The following WAS variants were observed in gnomAD, a reference collection of about 807,000 sequenced individuals.
WAS encodes actin nucleation-promoting factor WAS.
WAS carries 1 observed loss-of-function variant against 38.9 expected under a neutral mutation model. That is an observed-to-expected ratio of 0.03 (90% CI 0.01 to 0.12). WAS has a LOEUF of 0.12. Among genes scored for constraint, WAS ranks in the 10% least tolerant of loss-of-function variants. WAS has a pLI of 1.00. For missense variants in WAS, 311 were observed against 431.2 expected (o/e 0.72, Z 2.47); for synonymous variants, 182 against 173.6 (o/e 1.05, Z -0.38).
intron 1 of WAS, among the ~76,000 whole-genome samples, chrX:48,677,071 T>TA (rs1269227618): frequency 9.0e-6 from 1 of 111,566 alleles, no homozygotes; most frequent in Admixed American, 9.4e-5. Flanking sequence ...GGGAGGAGAC[T>TA]TCTGGTTCCC....
upstream of WAS, among the ~76,000 whole-genome samples, chrX:48,680,807 G>T (rs2062399132): frequency 8.9e-6 from 1 of 112,028 alleles, no homozygotes; most frequent in South Asian, 3.7e-4. Context: ...CCAAGCTGCT[G>T]CTCTGCCTAT....
At chrX:48,682,902 A>G (rs2062405798), upstream of WAS, among the ~76,000 whole-genome samples, 1 of 108,621 alleles carries the variant, frequency 9.2e-6, no homozygotes, top group Non-Finnish European at 1.9e-5. Context: ...TCAAAAAAAA[A>G]AAGAAAAAAA....
In WAS at chrX:48,684,067, C is replaced by T. The variant is rs190513631; in HGVS notation, c.132+82C>T. 670 of 1,144,534 alleles carry T rather than the reference C, an allele frequency of 5.9e-4. 4 individuals are homozygous for T. The African/African-American group carries it at 9.7e-3, about 17-fold the overall frequency. 94.3% of individuals were successfully genotyped at this position (1,144,534 alleles called of 1,213,427 possible). A position where few individuals can be genotyped will look rare whatever the true frequency, so the allele number is the denominator to read the frequency against. ...CCTCCTTCTCTCTCTTCCCCTCCTCCCGCTCCTCCTTTCCCTCTCCATCAT... is the reference window on the plus strand; with the variant it reads ...CCTCCTTCTCTCTCTTCCCCTCCTCTCGCTCCTCCTTTCCCTCTCCATCAT... On this transcript the variant is annotated intron_variant, in intron 1 of 11. Coordinates refer to ENST00000376701, the MANE Select transcript of WAS (RefSeq NM_000377.3).
Position 48,688,847 on chromosome X carries a change from A to G in WAS, c.1119A>G (p.Pro373=). 1.1e-6 allele frequency: 1 copy of G among 884,295 alleles called. No individual in the cohort carries two copies. The highest frequency in any genetic ancestry group is 1.4e-6 in the Non-Finnish European group (1 of 703,816). 72.9% of individuals were successfully genotyped at this position (884,295 alleles called of 1,213,427 possible). ...GRGGPPPPPP[P]ATGRSGPLPP... ...GGGGCCCTCCACCACCACCCCCTCC[A>G]GCTACTGGACGTTCTGGACCACTGC... The change falls in exon 10 of 12, where the codon CCA becomes CCG. Residue 373 remains proline, a synonymous_variant. Transcript: ENST00000376701.
At position 48,684,407 on chromosome X, in the gene WAS, G is replaced by A. The variant is rs132630268; in HGVS notation, c.257G>A (p.Arg86His). 8.3e-7 allele frequency: 1 copy of A among 1,207,400 alleles called. No individual in the cohort carries two copies. The highest frequency in any genetic ancestry group is 1.1e-6 in the Non-Finnish European group (1 of 893,715). ...AACCCCCAGAAGTCCTACTTCATCC[G>A]CCTTTACGGCCTTCAGGTGACCCCC... ...KDNPQKSYFI[R>H]LYGLQAGRLL... The change falls in exon 2 of 12, where the codon CGC becomes CAC. Residue 86 changes from arginine to histidine, a missense_variant. Transcript: ENST00000376701.
chrX:48,689,716 C>CT (rs2062433717), intron 11 of WAS: 3 of 229,808 alleles, frequency 1.3e-5, no homozygotes, highest in African/African-American at 1.4e-4. Flanking sequence ...CATCAGCTGG[C>CT]CGGCGCGGTG....
chrX:48,677,842 G>A (rs1557005401), intron 1 of WAS, among the ~76,000 whole-genome samples: 1 of 112,449 alleles, frequency 8.9e-6, no homozygotes, highest in African/African-American at 3.2e-5. Flanking sequence ...GTGAACAGAG[G>A]AGAGGGAAGC....
chrX:48,691,074 C>T (rs1557007698), intron 11 of WAS, 33 bp from the exon 12 acceptor site: 6 of 1,202,193 alleles, frequency 5.0e-6, no homozygotes, highest in Non-Finnish European at 5.6e-6. Flanking sequence ...CCACCAACCT[C>T]CCAGGGCATC....
chrX:48,687,970 G>C (rs1400731809), intron 7 of WAS, 84 bp from the exon 8 acceptor site: 1 of 1,019,120 alleles, frequency 9.8e-7, no homozygotes, highest in African/African-American at 1.9e-5. Flanking sequence ...GTCTCTTTGG[G>C]CAGGAGAGGG....
Position 48,688,312 on chromosome X carries a change from G to C in WAS, c.790G>C (p.Asp264His). ...PQNGFDVNNL[D>H]PDLRSLFSRA... ...TCCTCCTGGGCAGGTGAACAACCTC[G>C]ACCCAGATCTGCGGAGTCTGTTCTC... Residue 264 changes from aspartate to histidine, a missense_variant, in exon 9 of 12, where the codon GAC becomes CAC. Transcript: ENST00000376701. 8.3e-7 allele frequency: 1 copy of C among 1,205,835 alleles called. No homozygotes were observed. Among genetic ancestry groups the C allele is most frequent in the Non-Finnish European group, 1.1e-6 (1 of 892,456 alleles).
Position 48,684,264 on chromosome X carries a change from C to T in WAS, c.133-19C>T, listed in dbSNP as rs782056506. 9.1e-6 allele frequency: 11 copies of T among 1,211,513 alleles called. No homozygotes were observed. Among genetic ancestry groups the T allele is most frequent in the Non-Finnish European group, 1.1e-5 (10 of 895,466 alleles). ...CTACCCCTGACCAGACTCCACTGACCCCTGCTTTCCTCTCCCAGACGCTGG... is the reference window on the plus strand; with the variant it reads ...CTACCCCTGACCAGACTCCACTGACTCCTGCTTTCCTCTCCCAGACGCTGG... On this transcript the variant is annotated intron_variant, in intron 1 of 11. Transcript: ENST00000376701.
At chrX:48,687,564 CA>C (rs201300703) in intron 7 of WAS, among the ~76,000 whole-genome samples, 1,207 of 110,405 alleles carry the variant, frequency 0.011, 15 homozygotes, top group African/African-American at 0.037. Context: ...TGGGGATGGA[CA>C]GGTGGACAGA....
rs781934834 is a variant in WAS at position 48,688,652 on chromosome X, C to T, written c.932-8C>T. 1.7e-6 allele frequency: 2 copies of T among 1,208,486 alleles called. No homozygotes were observed. Among genetic ancestry groups the T allele is most frequent in the South Asian group, 1.8e-5 (1 of 56,751 alleles). ...GAGTTACAGCTATGTGTTATACCCC[C>T]TCCACAGAGCCACTTCCGCCGCCCC... On this transcript the variant is annotated splice_polypyrimidine_tract_variant and splice_region_variant and intron_variant, in intron 9 of 11. Transcript: ENST00000376701.
At chrX:48,685,501 C>T (rs371738193) in intron 2 of WAS, 46 bp from the exon 3 acceptor site, 12 of 1,047,837 alleles carry the variant, frequency 1.1e-5, no homozygotes, top group African/African-American at 1.1e-4. Flanking sequence ...CTGCCACCCC[C>T]GGCGTGCCTC....
Position 48,689,727 on chromosome X carries a change from G to A in WAS, c.1453+293G>A, listed in dbSNP as rs1283265114. ...TTAACATCAGCTGGCCGGCGCGGTG[G>A]CTCATGCCTGTAATCCAGGAACTTT... On this transcript the variant is annotated intron_variant, in intron 11 of 11. Coordinates refer to ENST00000376701, the MANE Select transcript of WAS (RefSeq NM_000377.3). 3 of 315,455 alleles carry A rather than the reference G, an allele frequency of 9.5e-6. No individual in the cohort carries two copies. The Admixed American group carries it at 1.5e-4, about 16-fold the overall frequency. 26.0% of individuals were successfully genotyped at this position (315,455 alleles called of 1,213,427 possible).
rs781967249 is a variant in WAS, at chrX:48,688,960, C to A, written c.1232C>A (p.Ala411Asp). Residue 411 changes from alanine (A) to aspartate (D), a missense_variant, in exon 10 of 12, where the codon GCC (alanine) becomes GAC (aspartate). By Grantham distance (126) the Ala-to-Asp change is moderately radical (BLOSUM62 -2). Coordinates refer to ENST00000376701, the MANE Select transcript of WAS (RefSeq NM_000377.3). ...CCGCCCAGCTCCGGGAATGGACCAGCCCCTCCCCCACTCCCTCCTGCTCTG... is the reference window on the plus strand; with the variant it reads ...CCGCCCAGCTCCGGGAATGGACCAGACCCTCCCCCACTCCCTCCTGCTCTG... The part of the protein sequence containing the change: ...PPPPSSGNGP[A>D]PPPLPPALVP... The A allele has an allele frequency of 3.4e-6, 4 of 1,176,605 alleles. No individual in the cohort carries two copies. The East Asian group carries it at 9.3e-5, about 27-fold the overall frequency.
Position 48,685,947 on chromosome X carries a change from C to G in WAS, c.465C>G (p.Asp155Glu). 1 of 1,211,767 alleles carries G rather than the reference C, an allele frequency of 8.3e-7. No homozygotes were observed. The highest frequency in any genetic ancestry group is 1.1e-6 in the Non-Finnish European group (1 of 895,449). ...IQKRNQRQSG[D>E]RRQLPPPPTP... ...GGCTCCCAATCCATCTATCCACAGA[C>G]AGACGCCAGCTACCCCCACCACCAA... is the stretch of plus-strand genomic sequence containing the variant. Residue 155 changes from aspartate to glutamate, a missense_variant and splice_region_variant, in exon 5 of 12, where the codon GAC becomes GAG. Physicochemically the swap from Asp to Glu is conservative, Grantham distance 45. Around this residue, in one of 4 missense-constraint regions of WAS, gnomAD observed 31 missense variants for 20.1 expected, o/e 1.55. Transcript: ENST00000376701.
rs2062422229 is a variant in WAS at position 48,686,939 on chromosome X, G to A, written c.718G>A (p.Ala240Thr). ...GAAGATCAGCAAAGCTGATATTGGT[G>A]CACCCAGTGGATTCAAGTGAGAGCC... ...KKKISKADIG[A>T]PSGFKHVSHV... The change falls in exon 7 of 12, where the codon GCA becomes ACA. Residue 240 changes from alanine to threonine, a missense_variant. Around this residue, in one of 4 missense-constraint regions of WAS, gnomAD observed 74 missense variants for 131.2 expected, o/e 0.56. Transcript: ENST00000376701. 1 of 1,204,784 alleles carries A rather than the reference G, an allele frequency of 8.3e-7. No individual in the cohort carries two copies. Among genetic ancestry groups the A allele is most frequent in the Non-Finnish European group, 1.1e-6 (1 of 892,411 alleles).
At chrX:48,685,177 A>G (rs2062415140) in intron 2 of WAS, among the ~76,000 whole-genome samples, 2 of 109,540 alleles carry the variant, frequency 1.8e-5, no homozygotes, top group African/African-American at 3.3e-5. Context: ...CTCAACTCCA[A>G]CCCCCAAATA....
Sources: allele counts gnomAD v4.1 joint callset (sites outside exome capture counted in the v4.1 genomes callset), GRCh38; gene constraint gnomAD v4.1.1; regional missense constraint gnomAD v4.1.1; transcripts MANE v1.5; gene names NCBI Gene and HGNC (gene_info 2026-07-23, HGNC 2026-07-21).